Variants in PHIP observed in about 807,000 individuals in gnomAD.
PHIP encodes PH-interacting protein.
Under a neutral mutation model 236.8 loss-of-function variants are expected in PHIP, and 54 were observed. That is an observed-to-expected ratio of 0.23 (90% CI 0.18 to 0.29). PHIP has a LOEUF of 0.29. Ranked by LOEUF, PHIP falls within the 10% of genes least tolerant of loss-of-function variation. PHIP has a pLI of 1.00. For missense variants in PHIP, 1,370 were observed against 2,190.8 expected, an observed-to-expected ratio of 0.63 and a Z score of 7.48; for synonymous variants, 756 against 718.9, an observed-to-expected ratio of 1.05 and a Z score of -0.83.
At chr6:79,027,977 T>A (rs1245284657) in intron 7 of PHIP, among the ~76,000 whole-genome samples, 1 of 152,170 alleles carries the variant, frequency 6.6e-6, no homozygotes, top group Non-Finnish European at 1.5e-5. Context: ...TGGTTACAGC[T>A]TTATCTTCTA....
chr6:79,010,568 T>C (rs1247216058), intron 15 of PHIP, among the ~76,000 whole-genome samples: 2 of 152,024 alleles, frequency 1.3e-5, no homozygotes, highest in East Asian at 3.9e-4. Context: ...CTATACTCTT[T>C]GATTAAAATG....
Position 78,949,829 on chromosome 6 carries a change from T to C in PHIP, c.4054-2054A>G, listed in dbSNP as rs112261803. Among the ~76,000 whole-genome samples, 177 of 152,132 alleles carry C rather than the reference T, an allele frequency of 1.2e-3. 1 individual carries two copies. Among genetic ancestry groups the C allele is most frequent in the African/African-American group, 4.1e-3 (170 of 41,518 alleles). On this transcript the variant is annotated intron_variant, in intron 35 of 39. Transcript: ENST00000275034. ...TCAGCCTCATTAGTAGCTTGAACTA[T>C]AGGTGCACGCCACTGCACCCGGTTA...
chr6:79,026,228 T>C, intron 7 of PHIP, 64 bp from the exon 8 acceptor site: 1 of 1,143,016 alleles, frequency 8.7e-7, no homozygotes, highest in Non-Finnish European at 1.3e-6. Flanking sequence ...ATCTTAACAC[T>C]GATAAATCTA....
At chr6:78,968,931 G>A (rs893231363) in intron 27 of PHIP, among the ~76,000 whole-genome samples, 2 of 152,136 alleles carry the variant, frequency 1.3e-5, no homozygotes, top group Admixed American at 6.5e-5. Context: ...GGACCTGCTA[G>A]GTAGCTGCTA....
At chr6:79,061,396 T>C (rs1773370114) in intron 4 of PHIP, among the ~76,000 whole-genome samples, 1 of 152,148 alleles carries the variant, frequency 6.6e-6, no homozygotes, top group Non-Finnish European at 1.5e-5. Flanking sequence ...TGAATAACAC[T>C]ATATTAGTTG....
chr6:78,950,569 T>C (rs1277063594), intron 35 of PHIP, among the ~76,000 whole-genome samples: 1 of 152,210 alleles, frequency 6.6e-6, no homozygotes, highest in East Asian at 1.9e-4. Context: ...TGTGGTAGTT[T>C]ATACTTTGAA....
chr6:79,031,238 C>G (rs1175257276), intron 7 of PHIP, among the ~76,000 whole-genome samples: 2 of 152,208 alleles, frequency 1.3e-5, no homozygotes, highest in Admixed American at 1.3e-4. Flanking sequence ...GCCATCACAC[C>G]AAGCCTCATT....
intron 9 of PHIP, among the ~76,000 whole-genome samples, chr6:79,024,609 C>T (rs906144092): frequency 6.6e-6 from 1 of 152,086 alleles, no homozygotes; most frequent in Non-Finnish European, 1.5e-5. Context: ...TGGAGACCAT[C>T]CTGGCTAACA....
intron 15 of PHIP, among the ~76,000 whole-genome samples, chr6:79,009,619 G>A (rs1770470817): frequency 6.6e-6 from 1 of 151,982 alleles, no homozygotes. Context: ...CATATTTTGT[G>A]CTTAACACAA....
In PHIP at chr6:78,936,381, A is replaced by G. The variant is rs1028645353; in HGVS notation, c.*4312T>C. The G allele has an allele frequency of 6.6e-6, 1 of 151,900 alleles. No homozygotes were observed. Among genetic ancestry groups the G allele is most frequent in the Non-Finnish European group, 1.5e-5 (1 of 67,800 alleles). 9.4% of individuals were successfully genotyped at this position (151,900 alleles called of 1,614,324 possible). A position where few individuals can be genotyped will look rare whatever the true frequency, so the allele number is the denominator to read the frequency against. ...TTCAGTAAGACCCCTGTCTTCTTGC[A>G]GTTTTAATATGGTCCAAAAATGTAA... is the stretch of plus-strand genomic sequence containing the variant. On this transcript the variant is annotated 3_prime_UTR_variant, in exon 40 of 40. Coordinates refer to ENST00000275034, the MANE Select transcript of PHIP (RefSeq NM_017934.7).
At chr6:78,999,178 C>T (rs530442762) in intron 17 of PHIP, among the ~76,000 whole-genome samples, 1 of 152,176 alleles carries the variant, frequency 6.6e-6, no homozygotes, top group Non-Finnish European at 1.5e-5. Context: ...TTTAATCCAT[C>T]CAAGTTTTCC....
chr6:79,075,906 CAT>C (rs1774135843), intron 4 of PHIP, among the ~76,000 whole-genome samples: 1 of 152,064 alleles, frequency 6.6e-6, no homozygotes, highest in Admixed American at 6.5e-5. Flanking sequence ...TCAAGGAAGA[CAT>C]GTAAATTCAC....
chr6:78,997,551 T>A lies in PHIP; in HGVS notation c.2064A>T (p.Gly688=). Reference sequence around the variant, plus strand: ...CTTCAATTTGTCCACTACGTCTTAGTCCTACGTTTGGTGGTGAATGAACCT... The same window carrying A: ...CTTCAATTTGTCCACTACGTCTTAGACCTACGTTTGGTGGTGAATGAACCT... The part of the protein sequence containing the change: ...TSEVHSPPNV[G]LRRSGQIEGV... The change falls in exon 19 of 40, where the codon GGA becomes GGT. Residue 688 remains glycine, a synonymous_variant. Coordinates refer to ENST00000275034, the MANE Select transcript of PHIP (RefSeq NM_017934.7). The A allele has an allele frequency of 1.2e-6, 2 of 1,613,998 alleles. No homozygotes were observed. Among genetic ancestry groups the A allele is most frequent in the South Asian group, 2.2e-5 (2 of 91,076 alleles).
intron 9 of PHIP, among the ~76,000 whole-genome samples, chr6:79,024,690 A>G (rs952397475): frequency 2.0e-5 from 3 of 152,184 alleles, no homozygotes; most frequent in African/African-American, 7.2e-5. Flanking sequence ...CTGTAGTCCC[A>G]GCTACTCGGG....
intron 17 of PHIP, among the ~76,000 whole-genome samples, chr6:79,000,015 TACA>T (rs1431592121): frequency 6.6e-6 from 1 of 152,050 alleles, no homozygotes; most frequent in African/African-American, 2.4e-5. Flanking sequence ...ATGGTGCCAA[TACA>T]ACAAGCTAAT....
intron 39 of PHIP, among the ~76,000 whole-genome samples, chr6:78,944,424 A>C (rs1408354374): frequency 6.6e-6 from 1 of 152,226 alleles, no homozygotes; most frequent in Non-Finnish European, 1.5e-5. Context: ...GAACTGAGGC[A>C]GGAAGACCAG....
Position 79,051,812 on chromosome 6 carries a change from A to T in PHIP, c.439+8666T>A, listed in dbSNP as rs1772809091. ...ACCAGTCTGATGCTAGTTCAAGTAG[A>T]AAACACACAATGACATAATGTTTTC... On this transcript the variant is annotated intron_variant, in intron 6 of 39. Transcript: ENST00000275034. 1.3e-5 allele frequency among the ~76,000 whole-genome samples: 2 copies of T among 152,192 alleles called. 1 individual carries two copies. The highest frequency in any genetic ancestry group is 4.1e-4 in the South Asian group (2 of 4,832).
chr6:79,056,490 G>C (rs1487592999), intron 6 of PHIP, among the ~76,000 whole-genome samples: 1 of 152,162 alleles, frequency 6.6e-6, no homozygotes, highest in African/African-American at 2.4e-5. Context: ...GAGGAGGCAT[G>C]ACATGGTAAT....
At chr6:78,979,927 C>A (rs1768397494) in intron 23 of PHIP, among the ~76,000 whole-genome samples, 1 of 151,964 alleles carries the variant, frequency 6.6e-6, no homozygotes, top group South Asian at 2.1e-4. Context: ...TCATTTTCCT[C>A]TTTTTCCTAT....
Sources: allele counts gnomAD v4.1 joint callset (sites outside exome capture counted in the v4.1 genomes callset), GRCh38; gene constraint gnomAD v4.1.1; transcripts MANE v1.5; gene names NCBI Gene and HGNC (gene_info 2026-07-23, HGNC 2026-07-21).